Variants in KIF13B observed in about 807,000 individuals in gnomAD.
KIF13B encodes kinesin-like protein KIF13B.
KIF13B carries 127 observed loss-of-function variants against 222.0 expected under a neutral mutation model. The observed-to-expected ratio is 0.57, with a 90% confidence interval of 0.50 to 0.66. The LOEUF is 0.66. KIF13B is among the 30% of genes least tolerant of loss of function. The probability of loss-of-function intolerance (pLI) is 0.00; values close to 1 mark genes in which losing one functional copy is unlikely to be tolerated. For synonymous variants in KIF13B, 976 were observed against 919.0 expected (o/e 1.06, Z -1.12); for missense variants, 2,173 against 2,379.0 (o/e 0.91, Z 1.80).
intron 12 of KIF13B, among the ~76,000 whole-genome samples, chr8:29,161,706 C>CCT (rs2130119529): frequency 6.7e-6 from 1 of 150,220 alleles, no homozygotes; most frequent in Admixed American, 6.7e-5. Context: ...AAAACCCCCC[C>CCT]CCAAAAAAAA....
At chr8:29,083,101 C>CCTTCA (rs1807887740) in intron 37 of KIF13B, among the ~76,000 whole-genome samples, 1 of 152,148 alleles carries the variant, frequency 6.6e-6, no homozygotes, top group Admixed American at 6.5e-5. Context: ...TGCACTCCAG[C>CCTTCA]CTGGGCAACA....
At position 29,108,146 on chromosome 8, in the gene KIF13B, C is replaced by G; in HGVS notation, c.4208G>C (p.Ser1403Thr). 1 of 1,610,748 alleles carries G rather than the reference C, an allele frequency of 6.2e-7. No homozygotes were observed. The highest frequency in any genetic ancestry group is 8.5e-7 in the Non-Finnish European group (1 of 1,178,244). The change falls in exon 35 of 40, where the codon AGC becomes ACC. Residue 1403 changes from serine (S) to threonine (T), a missense_variant. By Grantham distance (58) the Ser-to-Thr change is moderately conservative. This residue lies in a region of KIF13B where 693 missense variants were observed against 656.2 expected (regional missense o/e 1.06). Transcript: ENST00000524189. Reference protein sequence around the residue: ...QDLIPSYSLGSNKGRWESQQD... With the variant: ...QDLIPSYSLGTNKGRWESQQD... Reference sequence around the variant, plus strand: ...AATAGTTAAAACACCTACCTTGTTGCTGCCTAGACTGTATGATGGAATGAG... The same window carrying G: ...AATAGTTAAAACACCTACCTTGTTGGTGCCTAGACTGTATGATGGAATGAG...
rs537478037 is a variant in KIF13B at position 29,113,888 on chromosome 8, G to A, written c.3838-333C>T. ...CTTGTTGACTTCCATACAATAAAAT[G>A]ACCTTCTAACTAAGATGGAAGCAAC... On this transcript the variant is annotated intron_variant, in intron 31 of 39. Transcript: ENST00000524189. 2.6e-5 allele frequency among the ~76,000 whole-genome samples: 4 copies of A among 152,220 alleles called. No homozygotes were observed. The East Asian group carries it at 5.8e-4, about 22-fold the overall frequency.
At chr8:29,126,016 G>A (rs985996902) in intron 26 of KIF13B, among the ~76,000 whole-genome samples, 1 of 152,056 alleles carries the variant, frequency 6.6e-6, no homozygotes, top group Non-Finnish European at 1.5e-5. Context: ...GCTGGGGCAG[G>A]AGGGAAGTTG....
intron 13 of KIF13B, among the ~76,000 whole-genome samples, chr8:29,156,120 C>G (rs1191806340): frequency 6.6e-6 from 1 of 152,104 alleles, no homozygotes; most frequent in Admixed American, 6.6e-5. Context: ...AGGCATGCAC[C>G]ACCATGCCCA....
intron 1 of KIF13B, among the ~76,000 whole-genome samples, chr8:29,257,598 AAG>A (rs1816532608): frequency 6.6e-6 from 1 of 152,188 alleles, no homozygotes; most frequent in African/African-American, 2.4e-5. Flanking sequence ...ATTTCTTGAA[AAG>A]AGGTCTGGCC....
intron 24 of KIF13B, among the ~76,000 whole-genome samples, chr8:29,128,516 G>A (rs1030463158): frequency 3.8e-4 from 58 of 152,148 alleles, no homozygotes; most frequent in African/African-American, 8.7e-4. Flanking sequence ...TATTTTGTGG[G>A]AAAAGTCCTA....
chr8:29,083,664 G>A (rs1807911947), intron 37 of KIF13B, among the ~76,000 whole-genome samples: 1 of 152,138 alleles, frequency 6.6e-6, no homozygotes, highest in African/African-American at 2.4e-5. Context: ...CTAAAAGAGT[G>A]ATAAGAGTCT....
rs546640170 is a variant in KIF13B, at chr8:29,140,455, A to G, written c.2484+13T>C. 3 of 1,610,680 alleles carry G rather than the reference A, an allele frequency of 1.9e-6. No individual in the cohort carries two copies. The highest frequency in any genetic ancestry group is 1.7e-6 in the Non-Finnish European group (2 of 1,177,754). Reference sequence around the variant, plus strand: ...ATTCTCTACAGGAAACAAGGCATGAAGAGAAAACCAACCTCTCCTTTCTGG... The same window carrying G: ...ATTCTCTACAGGAAACAAGGCATGAGGAGAAAACCAACCTCTCCTTTCTGG... On this transcript the variant is annotated intron_variant, in intron 20 of 39. Coordinates refer to ENST00000524189, the MANE Select transcript of KIF13B (RefSeq NM_015254.4).
chr8:29,146,179 T>G (rs1811050429), intron 18 of KIF13B, 199 bp downstream of exon 18: 1 of 624,980 alleles, frequency 1.6e-6, no homozygotes, highest in Non-Finnish European at 2.8e-6. Context: ...CAGAGTATAT[T>G]CCCCTAGCAG....
intron 1 of KIF13B, among the ~76,000 whole-genome samples, chr8:29,250,844 A>G (rs1816250730): frequency 6.6e-6 from 1 of 152,262 alleles, no homozygotes; most frequent in Non-Finnish European, 1.5e-5. Flanking sequence ...TAGCTAGTGT[A>G]CCATCAAATG....
intron 1 of KIF13B, among the ~76,000 whole-genome samples, chr8:29,246,920 T>C (rs1816052296): frequency 1.3e-5 from 2 of 152,224 alleles, no homozygotes; most frequent in African/African-American, 4.8e-5. Context: ...GTTGGATCCC[T>C]ACCTCACATC....
chr8:29,228,472 A>AAAAATATATATAT lies in KIF13B; in HGVS notation c.149+16873_149+16874insATATATATATTTT. ...ACAGAGCCAGACTCCATCTTAAAAA[A>AAAAATATATATAT]ATATATATATATATATATGAGATAC... On this transcript the variant is annotated intron_variant, in intron 2 of 39. Coordinates refer to ENST00000524189, the MANE Select transcript of KIF13B (RefSeq NM_015254.4). Among the ~76,000 whole-genome samples, 148 of 117,080 alleles carry AAAAATATATATAT rather than the reference A, an allele frequency of 1.3e-3. 4 individuals are homozygous for AAAAATATATATAT. The highest frequency in any genetic ancestry group is 5.4e-3 in the East Asian group (26 of 4,810). The allele number at this position is 117,080 out of a possible 152,430, so 76.8% of individuals were successfully genotyped here.
chr8:29,231,261 T>C (rs1304860127), intron 2 of KIF13B, among the ~76,000 whole-genome samples: 1 of 152,240 alleles, frequency 6.6e-6, no homozygotes, highest in Non-Finnish European at 1.5e-5. Flanking sequence ...AAGGCTACCA[T>C]ACGGGTTCGG....
chr8:29,202,497 T>A (rs1296642464), intron 2 of KIF13B, among the ~76,000 whole-genome samples: 2 of 152,138 alleles, frequency 1.3e-5, no homozygotes, highest in Non-Finnish European at 2.9e-5. Context: ...TTTGTACTTT[T>A]AGTAGAGGCA....
At chr8:29,162,258 C>A (rs1428640697) in intron 12 of KIF13B, among the ~76,000 whole-genome samples, 1 of 152,180 alleles carries the variant, frequency 6.6e-6, no homozygotes, top group Non-Finnish European at 1.5e-5. Flanking sequence ...AAGTTCGCAG[C>A]ATAATTAAAA....
At chr8:29,171,095 CA>C (rs1488653376) in intron 10 of KIF13B, among the ~76,000 whole-genome samples, 1 of 152,092 alleles carries the variant, frequency 6.6e-6, no homozygotes, top group Non-Finnish European at 1.5e-5. Flanking sequence ...AAGTGGCCTT[CA>C]TTAGGGAGGT....
At chr8:29,140,845 C>T (rs1810786534) in intron 19 of KIF13B, 2 of 424,564 alleles carry the variant, frequency 4.7e-6, no homozygotes, top group South Asian at 5.5e-5. Context: ...GCATCCTCCA[C>T]CCATGACAGA....
rs779818888 is a variant in KIF13B at position 29,134,147 on chromosome 8, T to C, written c.2677A>G (p.Ser893Gly). The part of the protein sequence containing the change: ...HLSHFVFCKY[S>G]FWDQQEPVIV... ...ACCGGCTCCTGTTGATCCCAGAAGCTGTATTTGCAGAACACAAAGTGGGAC... is the reference window on the plus strand; with the variant it reads ...ACCGGCTCCTGTTGATCCCAGAAGCCGTATTTGCAGAACACAAAGTGGGAC... Residue 893 changes from serine to glycine, a missense_variant, in exon 22 of 40, where the codon AGC becomes GGC. Physicochemically the swap from Ser to Gly is moderately conservative, Grantham distance 56. This residue lies in a region of KIF13B where 1,480 missense variants were observed against 1,722.8 expected (regional missense o/e 0.86). Coordinates refer to ENST00000524189, the MANE Select transcript of KIF13B (RefSeq NM_015254.4). The C allele has an allele frequency of 2.2e-5, 35 of 1,613,856 alleles. No homozygotes were observed. Among genetic ancestry groups the C allele is most frequent in the Middle Eastern group, 1.6e-4 (1 of 6,082 alleles).
Sources: gnomAD v4.1 joint callset for allele counts (sites outside exome capture counted in the v4.1 genomes callset) on GRCh38, gnomAD v4.1.1 for gene constraint, gnomAD v4.1.1 regional missense constraint, MANE v1.5 for transcripts, NCBI Gene and HGNC (gene_info 2026-07-23, HGNC 2026-07-21) for gene names.